The following KDM5B variants were observed in gnomAD, a reference collection of about 807,000 sequenced individuals.
KDM5B encodes the protein lysine demethylase 5B.
A neutral mutation model predicts 193.4 loss-of-function variants in KDM5B; 144 were observed. The observed-to-expected ratio is 0.74, with a 90% confidence interval of 0.65 to 0.86. KDM5B has a LOEUF of 0.86. Among genes scored for constraint, KDM5B ranks in the 40% least tolerant of loss-of-function variants. The pLI is 0.00. For synonymous variants in KDM5B, 668 were observed against 682.6 expected (o/e 0.98, Z 0.33); for missense variants, 1,833 against 1,886.9 (o/e 0.97, Z 0.53).
intron 1 of KDM5B, among the ~76,000 whole-genome samples, chr1:202,780,856 A>G (rs1486911506): frequency 6.6e-6 from 1 of 152,032 alleles, no homozygotes; most frequent in South Asian, 2.1e-4. Flanking sequence ...CTACATATAC[A>G]TATGACAAAA....
chr1:202,804,812 T>C (rs1466532260), intron 1 of KDM5B, among the ~76,000 whole-genome samples: 7 of 149,846 alleles, frequency 4.7e-5, no homozygotes, highest in East Asian at 2.0e-4. Flanking sequence ...GAGGCAGAGG[T>C]TGTGATGAGC....
At chr1:202,775,413 T>G (rs1463155927) in intron 2 of KDM5B, among the ~76,000 whole-genome samples, 1 of 151,758 alleles carries the variant, frequency 6.6e-6, no homozygotes, top group Non-Finnish European at 1.5e-5. Context: ...GGCAGGGGCC[T>G]GTAATCCCAG....
At chr1:202,753,144 G>A (rs1655862658) in intron 11 of KDM5B, 77 bp from the exon 12 acceptor site, 6 of 1,318,470 alleles carry the variant, frequency 4.6e-6, no homozygotes, top group Non-Finnish European at 6.3e-6. Context: ...ATATTTTTCA[G>A]ACTCGGCTTT....
intron 1 of KDM5B, among the ~76,000 whole-genome samples, chr1:202,788,337 T>C (rs1657497113): frequency 6.6e-6 from 1 of 152,210 alleles, no homozygotes; most frequent in South Asian, 2.1e-4. Flanking sequence ...AGATAGGCCA[T>C]GGTGAAAGCT....
In KDM5B at chr1:202,794,907, T is replaced by C. The variant is rs143484420; in HGVS notation, c.204+13195A>G. ...GAGATTAACAATAACAATTAAACAA[T>C]ACACTGTAATAAAAGTTACATGGGG... is the stretch of plus-strand genomic sequence containing the variant. On this transcript the variant is annotated intron_variant, in intron 1 of 26. Coordinates refer to ENST00000367265, the MANE Select transcript of KDM5B (RefSeq NM_006618.5). Among the ~76,000 whole-genome samples, 1,089 of 152,236 alleles carry C rather than the reference T, an allele frequency of 7.2e-3. 9 individuals are homozygous for C. Among genetic ancestry groups the C allele is most frequent in the African/African-American group, 0.025 (1,039 of 41,542 alleles).
In KDM5B at chr1:202,773,841, G is replaced by A. The variant is rs528013839; in HGVS notation, c.406-553C>T. The stretch of plus-strand genomic sequence containing the variant: ...CAACCTCCGCCTCCTGGATTCAGGC[G>A]ATTTTCCTGCCTCAGCCTCCCGAGT... On this transcript the variant is annotated intron_variant, in intron 3 of 26. Coordinates refer to ENST00000367265, the MANE Select transcript of KDM5B (RefSeq NM_006618.5). Among the ~76,000 whole-genome samples, 111 of 151,790 alleles carry A rather than the reference G, an allele frequency of 7.3e-4. 2 individuals carry two copies. The highest frequency in any genetic ancestry group is 6.8e-3 in the Middle Eastern group (2 of 294).
intron 6 of KDM5B, among the ~76,000 whole-genome samples, chr1:202,763,633 G>A (rs1656336400): frequency 6.6e-6 from 1 of 152,142 alleles, no homozygotes; most frequent in Admixed American, 6.6e-5. Flanking sequence ...TGATACCCAG[G>A]CAAGCAATTA....
Position 202,765,725 on chromosome 1 carries a change from T to C in KDM5B, c.711+1201A>G, listed in dbSNP as rs1330077790. Among the ~76,000 whole-genome samples the C allele has an allele frequency of 3.3e-5, 5 of 152,224 alleles. No individual in the cohort carries two copies. The East Asian group carries it at 5.8e-4, about 18-fold the overall frequency. ...CCAAAGTGAAAAACTATTCTCTTATTTATCTATTTCTTCAGAAAACAAAAT... is the reference window on the plus strand; with the variant it reads ...CCAAAGTGAAAAACTATTCTCTTATCTATCTATTTCTTCAGAAAACAAAAT... On this transcript the variant is annotated intron_variant, in intron 5 of 26. Coordinates refer to ENST00000367265, the MANE Select transcript of KDM5B (RefSeq NM_006618.5).
At chr1:202,753,225 C>G (rs1020412364) in intron 11 of KDM5B, among the ~76,000 whole-genome samples, 158 bp from the exon 12 acceptor site, 1 of 152,188 alleles carries the variant, frequency 6.6e-6, no homozygotes. Flanking sequence ...GAGCCAGGTG[C>G]TGTGGCTCAC....
chr1:202,733,609 G>A lies in KDM5B; in HGVS notation c.3701C>T (p.Pro1234Leu), dbSNP rs770088605. The change falls in exon 23 of 27, where the codon CCC becomes CTC. Residue 1234 changes from proline to leucine, a missense_variant. This residue lies in a region of KDM5B where 1,379 missense variants were observed against 1,349.6 expected (regional missense o/e 1.02). Transcript: ENST00000367265. ...SEKPPLEKIL[P>L]LLASLQRIRV... is the part of the protein sequence containing the mutation. ...GATACGCTGAAGGGAGGCGAGCAGG[G>A]GCAGAATTTTCTCTAATGGAGGTTT... The A allele has an allele frequency of 8.7e-6, 14 of 1,614,104 alleles. No homozygotes were observed. The highest frequency in any genetic ancestry group is 1.1e-5 in the Non-Finnish European group (13 of 1,180,032).
intron 4 of KDM5B, among the ~76,000 whole-genome samples, chr1:202,771,979 C>T (rs1656739976): frequency 6.6e-6 from 1 of 152,034 alleles, no homozygotes; most frequent in African/African-American, 2.4e-5. Context: ...CTACTTTCTT[C>T]TAGGCTAAAA....
Position 202,741,308 on chromosome 1 carries a change from T to G in KDM5B, c.2945+59A>C, listed in dbSNP as rs887092453. 2.4e-6 allele frequency: 3 copies of G among 1,240,536 alleles called. No individual in the cohort carries two copies. The African/African-American group carries it at 4.5e-5, about 19-fold the overall frequency. The allele number at this position is 1,240,536 out of a possible 1,614,324, so 76.8% of individuals were successfully genotyped here. A position where few individuals can be genotyped will look rare whatever the true frequency, so the allele number is the denominator to read the frequency against. On this transcript the variant is annotated intron_variant, in intron 19 of 26. Coordinates refer to ENST00000367265, the MANE Select transcript of KDM5B (RefSeq NM_006618.5). ...GCCATAGACCAATCATTGTGCTCTG[T>G]GTTTAAGCTGGAGATAACTGTCCAA... is the stretch of plus-strand genomic sequence containing the variant.
At chr1:202,760,310 T>C (rs1332018762) in intron 8 of KDM5B, 105 bp downstream of exon 8, 1 of 814,736 alleles carries the variant, frequency 1.2e-6, no homozygotes, top group Non-Finnish European at 1.9e-6. Context: ...AGTGAGTCCT[T>C]GTCTAAAAAA....
intron 7 of KDM5B, among the ~76,000 whole-genome samples, chr1:202,762,230 T>TTTCATTCCTTCCTTCCTTCCTC (rs1340820899): frequency 6.6e-6 from 1 of 152,162 alleles, no homozygotes. Context: ...TCTACTTCCT[T>TTTCATTCCTTCCTTCCTTCCTC]TTCATTCCTT....
intron 1 of KDM5B, among the ~76,000 whole-genome samples, chr1:202,783,235 T>C (rs1238763378): frequency 6.6e-6 from 1 of 151,958 alleles, no homozygotes; most frequent in Non-Finnish European, 1.5e-5. Flanking sequence ...GCCATTGCAC[T>C]CCAGCCTGGG....
Position 202,728,964 on chromosome 1 carries a change from T to G in KDM5B, c.*72A>C. 4 of 1,587,032 alleles carry G rather than the reference T, an allele frequency of 2.5e-6. No homozygotes were observed. The highest frequency in any genetic ancestry group is 3.5e-6 in the Non-Finnish European group (4 of 1,157,362). On this transcript the variant is annotated 3_prime_UTR_variant, in exon 27 of 27. Transcript: ENST00000367265. ...TTGAGTACCAGTCCTGTAGCTTTGC[T>G]GAGATTTGAAGAAATCCTCTTGGTT...
intron 10 of KDM5B, 116 bp from the exon 11 acceptor site, chr1:202,755,568 G>A (rs1163835555): frequency 7.4e-6 from 6 of 812,164 alleles, no homozygotes; most frequent in South Asian, 3.8e-5. Context: ...AAGAGGAGGG[G>A]CCACCATGCT....
In KDM5B at chr1:202,735,556, A is replaced by G; in HGVS notation, c.3296T>C (p.Leu1099Ser). ...VLCPRCDIGL[L>S]GLKRKQRKLK... ...CTTTCTCTGCTTCCTTTTCAATCCC[A>G]AAAGGCCAATATCACATCGAGGACA... Residue 1099 changes from leucine (L) to serine (S), a missense_variant, in exon 22 of 27, where the codon TTG becomes TCG. Leu to Ser is a moderately radical substitution (Grantham distance 145). Around this residue, in one of 3 missense-constraint regions of KDM5B, gnomAD observed 1,379 missense variants for 1,349.6 expected, o/e 1.02. Transcript: ENST00000367265. 1 of 1,614,010 alleles carries G rather than the reference A, an allele frequency of 6.2e-7. No homozygotes were observed. The highest frequency in any genetic ancestry group is 8.5e-7 in the Non-Finnish European group (1 of 1,179,902).
At chr1:202,760,596 A>G in intron 7 of KDM5B, 23 bp from the exon 8 acceptor site, 2 of 1,542,738 alleles carry the variant, frequency 1.3e-6, no homozygotes, top group Non-Finnish European at 1.8e-6. Flanking sequence ...AAGTGGGTAC[A>G]GAACAAAGGA....
Sources: allele counts gnomAD v4.1 joint callset (sites outside exome capture counted in the v4.1 genomes callset), GRCh38; gene constraint gnomAD v4.1.1; regional missense constraint gnomAD v4.1.1; transcripts MANE v1.5; gene names NCBI Gene and HGNC (gene_info 2026-07-23, HGNC 2026-07-21).